RASL12: variants seen among roughly 807,000 people sequenced by gnomAD.
RASL12 encodes the protein RAS like family 12.
A neutral mutation model predicts 22.9 loss-of-function variants in RASL12; 16 were observed. The observed-to-expected ratio is 0.70, with a 90% CI of 0.47 to 1.06. The LOEUF (loss-of-function observed/expected upper bound fraction) is 1.06, where lower values mean the gene tolerates loss of function less well. RASL12 is among the 50% of genes least tolerant of loss of function. The pLI is 0.00. For missense variants in RASL12, 306 were observed against 353.1 expected (o/e 0.87, Z 1.07); for synonymous variants, 159 against 152.2 (o/e 1.04, Z -0.33).
downstream of RASL12, among the ~76,000 whole-genome samples, chr15:65,050,714 A>G (rs1450632308): frequency 2.6e-5 from 4 of 152,042 alleles, no homozygotes; most frequent in Non-Finnish European, 5.9e-5. Flanking sequence ...TACAGCATGG[A>G]CAAATCTTGA....
intron 1 of RASL12, among the ~76,000 whole-genome samples, chr15:65,073,180 G>T (rs2086943494): frequency 6.6e-6 from 1 of 152,240 alleles, no homozygotes; most frequent in Non-Finnish European, 1.5e-5. Context: ...GATTGGTTTT[G>T]TAAAAGACAG....
At chr15:65,045,839 C>T in the RASL12 span, among the ~76,000 whole-genome samples, 23 of 152,346 alleles carry the variant, frequency 1.5e-4, no homozygotes, top group South Asian at 4.8e-3. Context: ...ATGATGCTCA[C>T]TTTAGAAGCA....
chr15:65,076,542 G>C (rs1336042419), exon 1 of RASL12: 2 of 700,938 alleles, frequency 2.9e-6, no homozygotes, highest in Non-Finnish European at 5.2e-6. Flanking sequence ...GAGGGTCCGC[G>C]GCTTCATTCT....
chr15:65,067,993 C>G (rs1174515467), upstream of RASL12: 11 of 1,158,054 alleles, frequency 9.5e-6, no homozygotes, highest in Non-Finnish European at 9.6e-6. Context: ...CAGCGGGCTG[C>G]CACCCCGCGG....
intron 2 of RASL12, 94 bp from the exon 3 acceptor site, chr15:65,059,512 C>A (rs1329588685): frequency 2.1e-6 from 2 of 939,132 alleles, no homozygotes; most frequent in East Asian, 2.4e-5. Context: ...CCTGGGGGGA[C>A]CTTAGCAGCT....
chr15:65,070,960 G>A (rs1007342266), upstream of RASL12, among the ~76,000 whole-genome samples: 3 of 152,146 alleles, frequency 2.0e-5, no homozygotes, highest in East Asian at 5.8e-4. Flanking sequence ...CAGGAGTCCT[G>A]ACTCCCAGTC....
At chr15:65,052,881 C>T (rs74981303), downstream of RASL12, 5,932 of 1,306,684 alleles carry the variant, frequency 4.5e-3, 194 homozygotes, top group African/African-American at 0.074. Flanking sequence ...GAATTTTCCC[C>T]TTAGACTCTT....
downstream of RASL12, chr15:65,051,449 G>A: frequency 6.7e-7 from 1 of 1,489,534 alleles, no homozygotes; most frequent in Non-Finnish European, 9.4e-7. Flanking sequence ...CCAGGCCCCA[G>A]CTGTTAGCGG....
intron 4 of RASL12, 130 bp from the exon 5 acceptor site, chr15:65,055,404 A>C: frequency 6.7e-6 from 5 of 751,732 alleles, no homozygotes; most frequent in Non-Finnish European, 8.4e-6. Flanking sequence ...TCTGAGTCTC[A>C]GCGTTCTTAT....
At chr15:65,074,751 C>T (rs1288907030) in intron 1 of RASL12, among the ~76,000 whole-genome samples, 2 of 152,246 alleles carry the variant, frequency 1.3e-5, no homozygotes, top group Non-Finnish European at 2.9e-5. Flanking sequence ...CGAGGGCACA[C>T]AGCTGGAAAG....
upstream of RASL12, among the ~76,000 whole-genome samples, chr15:65,072,433 A>C (rs1312290675): frequency 6.6e-6 from 1 of 152,180 alleles, no homozygotes; most frequent in Non-Finnish European, 1.5e-5. Flanking sequence ...ATGTATCCTA[A>C]GGGGGAGAGA....
chr15:65,064,571 T>C (rs1444517291), intron 2 of RASL12, among the ~76,000 whole-genome samples: 1 of 152,088 alleles, frequency 6.6e-6, no homozygotes, highest in Admixed American at 6.6e-5. Flanking sequence ...TGAGTGACCA[T>C]CTTGAAGAAT....
At position 65,053,894 on chromosome 15, in the gene RASL12, C is replaced by A; in HGVS notation, c.*1005G>T. Reference sequence around the variant, plus strand: ...AAGCTGCGGTGACACCACCAAATAACATAAGCAAAATTTTGCTTTATTAAC... The same window carrying A: ...AAGCTGCGGTGACACCACCAAATAAAATAAGCAAAATTTTGCTTTATTAAC... On this transcript the variant is annotated 3_prime_UTR_variant, in exon 5 of 5. Transcript: ENST00000220062. The A allele has an allele frequency of 1.0e-6, 1 of 985,882 alleles. No homozygotes were observed. The highest frequency in any genetic ancestry group is 1.2e-6 in the Non-Finnish European group (1 of 829,952). 61.1% of individuals were successfully genotyped at this position (985,882 alleles called of 1,614,324 possible). A position where few individuals can be genotyped will look rare whatever the true frequency, so the allele number is the denominator to read the frequency against.
At chr15:65,074,494 A>C (rs1422573514) in intron 1 of RASL12, among the ~76,000 whole-genome samples, 2 of 152,120 alleles carry the variant, frequency 1.3e-5, no homozygotes, top group African/African-American at 4.8e-5. Context: ...CCCGAGTTCA[A>C]GCTGTTCTCG....
intron 1 of RASL12, among the ~76,000 whole-genome samples, chr15:65,076,153 C>T (rs569641367): frequency 3.9e-5 from 6 of 152,342 alleles, no homozygotes; most frequent in Admixed American, 1.3e-4. Context: ...AGAGAATAAA[C>T]GCAGGCTACC....
chr15:65,052,947 C>T (rs200410652), downstream of RASL12: 8 of 1,519,002 alleles, frequency 5.3e-6, no homozygotes, highest in Admixed American at 6.9e-5. Flanking sequence ...CTCATTAACA[C>T]TGTTCCCTGT....
Position 65,054,598 on chromosome 15 carries a change from T to A in RASL12, c.*301A>T. 1 of 1,231,892 alleles carries A rather than the reference T, an allele frequency of 8.1e-7. No individual in the cohort carries two copies. Among genetic ancestry groups the A allele is most frequent in the East Asian group, 3.5e-5 (1 of 28,356 alleles). The allele number at this position is 1,231,892 out of a possible 1,614,324, so 76.3% of individuals were successfully genotyped here. On this transcript the variant is annotated 3_prime_UTR_variant, in exon 5 of 5. Coordinates refer to ENST00000220062, the MANE Select transcript of RASL12 (RefSeq NM_016563.4). ...GCAGGAAGGGCTGATGGCAGCAGGA[T>A]AGACACTGCAATTTCTTCCTACTTA...
At chr15:65,069,071 C>T (rs997902307), upstream of RASL12, among the ~76,000 whole-genome samples, 6 of 152,188 alleles carry the variant, frequency 3.9e-5, no homozygotes, top group South Asian at 4.1e-4. Flanking sequence ...TTCCCCTTCC[C>T]GCAGATGGTT....
intron 4 of RASL12, among the ~76,000 whole-genome samples, chr15:65,057,269 G>A (rs767819512): frequency 4.6e-5 from 7 of 152,180 alleles, no homozygotes; most frequent in African/African-American, 1.2e-4. Context: ...CTGACCAACC[G>A]TGAACAGGGA....
Sources: gnomAD v4.1 joint callset for allele counts (sites outside exome capture counted in the v4.1 genomes callset) on GRCh38, gnomAD v4.1.1 for gene constraint, MANE v1.5 for transcripts, NCBI Gene and HGNC (gene_info 2026-07-23, HGNC 2026-07-21) for gene names.